Variants in JARID2 observed in about 807,000 individuals in gnomAD.
The protein encoded by JARID2 is jumonji and AT-rich interaction domain containing 2.
Under a neutral mutation model 125.6 loss-of-function variants are expected in JARID2, and 21 were observed. That is an observed-to-expected ratio of 0.17 (90% CI 0.12 to 0.24). The LOEUF (loss-of-function observed/expected upper bound fraction) is 0.24, where lower values mean the gene tolerates loss of function less well. JARID2 is among the 10% of genes least tolerant of loss of function. The probability of loss-of-function intolerance (pLI) is 1.00; values close to 1 mark genes in which losing one functional copy is unlikely to be tolerated. For missense variants in JARID2, 1,303 were observed against 1,639.6 expected (o/e 0.79, Z 3.55); for synonymous variants, 736 against 661.6 (o/e 1.11, Z -1.73).
At chr6:15,397,368 G>A (rs1317935821) in intron 2 of JARID2, among the ~76,000 whole-genome samples, 1 of 152,052 alleles carries the variant, frequency 6.6e-6, no homozygotes, top group Non-Finnish European at 1.5e-5. Flanking sequence ...AAATTCTCTG[G>A]CACCATAACC....
intron 4 of JARID2, among the ~76,000 whole-genome samples, chr6:15,456,486 T>C (rs1383665421): frequency 1.3e-5 from 2 of 152,236 alleles, no homozygotes; most frequent in African/African-American, 4.8e-5. Context: ...GGCTTTGTTA[T>C]TTGTTTTTCT....
rs183590566 is a variant in JARID2 at position 15,518,327 on chromosome 6, G to A, written c.3558+1059G>A. 1.4e-3 allele frequency among the ~76,000 whole-genome samples: 219 copies of A among 152,296 alleles called. 2 individuals carry two copies. Among genetic ancestry groups the A allele is most frequent in the African/African-American group, 4.8e-3 (200 of 41,560 alleles). ...CTGTTTCTGTAGTCGGATGTGTGAC[G>A]TGACCAGATCCTGGGAAAAGAATGG... On this transcript the variant is annotated intron_variant, in intron 17 of 17. Coordinates refer to ENST00000341776, the MANE Select transcript of JARID2 (RefSeq NM_004973.4).
At position 15,388,345 on chromosome 6, in the gene JARID2, C is replaced by T. The variant is rs191473441; in HGVS notation, c.181+14093C>T. ...AGAAGAGTGATTACTAGATATGCTT[C>T]TGGGAAATTACCCTACAGTTCATAA... On this transcript the variant is annotated intron_variant, in intron 2 of 17. Coordinates refer to ENST00000341776, the MANE Select transcript of JARID2 (RefSeq NM_004973.4). Among the ~76,000 whole-genome samples, 338 of 152,180 alleles carry T rather than the reference C, an allele frequency of 2.2e-3. 3 individuals carry two copies. The highest frequency in any genetic ancestry group is 8.0e-3 in the African/African-American group (331 of 41,512).
At chr6:15,316,669 A>G (rs1241059207) in intron 1 of JARID2, among the ~76,000 whole-genome samples, 2 of 151,956 alleles carry the variant, frequency 1.3e-5, no homozygotes, top group African/African-American at 4.8e-5. Context: ...TGCCCAGCTA[A>G]TTTTTATATT....
intron 1 of JARID2, among the ~76,000 whole-genome samples, chr6:15,330,263 T>TA (rs1356701836): frequency 2.0e-5 from 3 of 152,360 alleles, no homozygotes; most frequent in African/African-American, 4.8e-5. Flanking sequence ...GTGCTTGTTT[T>TA]AATTATTTTC....
intron 6 of JARID2, among the ~76,000 whole-genome samples, chr6:15,489,769 G>A (rs989181703): frequency 3.3e-5 from 5 of 152,302 alleles, no homozygotes; most frequent in South Asian, 2.1e-4. Context: ...AGCTGCTTCC[G>A]GGGCTCAGGG....
At chr6:15,367,886 G>C (rs1764033663) in intron 1 of JARID2, among the ~76,000 whole-genome samples, 1 of 152,126 alleles carries the variant, frequency 6.6e-6, no homozygotes, top group Non-Finnish European at 1.5e-5. Context: ...CCTCTGGGTG[G>C]CACCCATTCT....
intron 3 of JARID2, among the ~76,000 whole-genome samples, chr6:15,445,396 A>G (rs1767631011): frequency 6.6e-6 from 1 of 152,146 alleles, no homozygotes; most frequent in African/African-American, 2.4e-5. Flanking sequence ...GGTGCTATAT[A>G]TTTTATTTTA....
At chr6:15,478,248 G>T (rs1268934065) in intron 5 of JARID2, among the ~76,000 whole-genome samples, 1 of 152,116 alleles carries the variant, frequency 6.6e-6, no homozygotes, top group African/African-American at 2.4e-5. Flanking sequence ...TTAGCCTGGT[G>T]TCAGGGCTAA....
chr6:15,436,811 GA>G (rs1367719370), intron 3 of JARID2, among the ~76,000 whole-genome samples: 1 of 149,548 alleles, frequency 6.7e-6, no homozygotes, highest in African/African-American at 2.5e-5. Flanking sequence ...CTTTTCTTGT[GA>G]TTTTTTTTTT....
At chr6:15,257,322 A>C (rs1160217856) in intron 1 of JARID2, among the ~76,000 whole-genome samples, 1 of 152,224 alleles carries the variant, frequency 6.6e-6, no homozygotes, top group Non-Finnish European at 1.5e-5. Flanking sequence ...ACAAGTACTC[A>C]AAAGATAGAA....
At chr6:15,299,405 A>G (rs1208223851) in intron 1 of JARID2, among the ~76,000 whole-genome samples, 1 of 152,118 alleles carries the variant, frequency 6.6e-6, no homozygotes, top group East Asian at 1.9e-4. Flanking sequence ...TTGCATACTG[A>G]GGTGGTGGGG....
At chr6:15,250,797 TC>T (rs1180212686) in intron 1 of JARID2, among the ~76,000 whole-genome samples, 1 of 152,186 alleles carries the variant, frequency 6.6e-6, no homozygotes, top group Non-Finnish European at 1.5e-5. Context: ...TTGACGCACT[TC>T]CAAGTGCCTT....
At chr6:15,298,176 TAA>T (rs1581384439) in intron 1 of JARID2, among the ~76,000 whole-genome samples, 1 of 152,250 alleles carries the variant, frequency 6.6e-6, no homozygotes, top group Non-Finnish European at 1.5e-5. Context: ...AATTGTAGTT[TAA>T]GTCATTTCTT....
At chr6:15,416,381 A>G (rs570143125) in intron 3 of JARID2, among the ~76,000 whole-genome samples, 65 of 152,236 alleles carry the variant, frequency 4.3e-4, no homozygotes, top group African/African-American at 1.5e-3. Context: ...ACGCCACTGC[A>G]CTCCAGCCTG....
At chr6:15,301,118 G>C (rs1365828826) in intron 1 of JARID2, among the ~76,000 whole-genome samples, 4 of 152,154 alleles carry the variant, frequency 2.6e-5, no homozygotes, top group Non-Finnish European at 5.9e-5. Context: ...TTTCAGAAAT[G>C]GCTACAATTA....
In JARID2 at chr6:15,477,304, C is replaced by G. The variant is rs950352449; in HGVS notation, c.670+8586C>G. On this transcript the variant is annotated intron_variant, in intron 5 of 17. Transcript: ENST00000341776. Reference sequence around the variant, plus strand: ...GGCGGTGGGGTGTTGGGGTGTCGGTCATGCATCAGGGTCAGGAGCTTGCCA... The same window carrying G: ...GGCGGTGGGGTGTTGGGGTGTCGGTGATGCATCAGGGTCAGGAGCTTGCCA... Among the ~76,000 whole-genome samples, 4 of 152,020 alleles carry G rather than the reference C, an allele frequency of 2.6e-5. No individual in the cohort carries two copies. In the South Asian group the frequency reaches 6.3e-4, roughly 24 times the overall value.
At chr6:15,305,822 T>A (rs1297979871) in intron 1 of JARID2, among the ~76,000 whole-genome samples, 1 of 152,190 alleles carries the variant, frequency 6.6e-6, no homozygotes, top group African/African-American at 2.4e-5. Context: ...TTAAATAAAG[T>A]CCTGTGAATT....
Position 15,517,277 on chromosome 6 carries a change from C to T in JARID2, c.3558+9C>T. ...TGTACCGCTACGATGAGGTCAGTCC[C>T]TGCCCGCGGGGTAGGGCAGGGCGGC... On this transcript the variant is annotated intron_variant, in intron 17 of 17. Coordinates refer to ENST00000341776, the MANE Select transcript of JARID2 (RefSeq NM_004973.4). The T allele has an allele frequency of 6.2e-7, 1 of 1,600,594 alleles. No homozygotes were observed. The highest frequency in any genetic ancestry group is 8.6e-7 in the Non-Finnish European group (1 of 1,167,734).
Sources: gnomAD v4.1 joint callset for allele counts (sites outside exome capture counted in the v4.1 genomes callset) on GRCh38, gnomAD v4.1.1 for gene constraint, MANE v1.5 for transcripts, NCBI Gene and HGNC (gene_info 2026-07-23, HGNC 2026-07-21) for gene names.